GRIN2B: variants seen among roughly 807,000 people sequenced by gnomAD.
GRIN2B encodes the protein glutamate ionotropic receptor NMDA type subunit 2B.
GRIN2B carries 5 observed loss-of-function variants against 114.5 expected under a neutral mutation model. The observed-to-expected ratio is 0.04, with a 90% CI of 0.02 to 0.09. The LOEUF is 0.09. GRIN2B is among the 10% of genes least tolerant of loss of function. The pLI, the probability that GRIN2B is intolerant of heterozygous loss-of-function variation, is 1.00. For synonymous variants in GRIN2B, 787 were observed against 745.1 expected (o/e 1.06, Z -0.92); for missense variants, 1,108 against 1,943.5 (o/e 0.57, Z 8.08).
chr12:13,789,075 G>GTT (rs11400953), intron 3 of GRIN2B, among the ~76,000 whole-genome samples: 27 of 151,810 alleles, frequency 1.8e-4, no homozygotes, highest in South Asian at 6.3e-4. Flanking sequence ...CCTGGTTGTT[G>GTT]TTTTTTTTCC....
At chr12:13,832,407 T>C (rs1425420405) in intron 3 of GRIN2B, among the ~76,000 whole-genome samples, 1 of 152,054 alleles carries the variant, frequency 6.6e-6, no homozygotes, top group African/African-American at 2.4e-5. Context: ...TATTCGAGAG[T>C]GTACACCTTC....
intron 3 of GRIN2B, among the ~76,000 whole-genome samples, chr12:13,803,853 G>C (rs1415677269): frequency 6.6e-6 from 1 of 152,160 alleles, no homozygotes; most frequent in African/African-American, 2.4e-5. Flanking sequence ...AGCTGATGTA[G>C]CGAGTCAACC....
chr12:13,977,891 C>T (rs1863055962), intron 2 of GRIN2B, among the ~76,000 whole-genome samples: 2 of 152,170 alleles, frequency 1.3e-5, no homozygotes, highest in Non-Finnish European at 2.9e-5. Context: ...TTTATAGCTT[C>T]CCCACCCACT....
chr12:13,596,823 G>GA (rs1436297911), intron 10 of GRIN2B, among the ~76,000 whole-genome samples: 47 of 152,344 alleles, frequency 3.1e-4, no homozygotes, highest in Admixed American at 2.9e-3. Flanking sequence ...CTCACAGCTG[G>GA]ATAATGAGTG....
intron 3 of GRIN2B, among the ~76,000 whole-genome samples, chr12:13,819,704 C>T (rs992190912): frequency 1.3e-5 from 2 of 152,140 alleles, no homozygotes; most frequent in South Asian, 4.1e-4. Context: ...AGTTTTACAG[C>T]ACTGTATGTC....
chr12:13,786,451 A>G (rs1281702692), intron 3 of GRIN2B, among the ~76,000 whole-genome samples: 1 of 152,310 alleles, frequency 6.6e-6, no homozygotes, highest in African/African-American at 2.4e-5. Flanking sequence ...TCTCTCAAAG[A>G]GTGCCACATA....
At chr12:13,840,404 A>T (rs1466182886) in intron 3 of GRIN2B, among the ~76,000 whole-genome samples, 1 of 152,194 alleles carries the variant, frequency 6.6e-6, no homozygotes, top group Non-Finnish European at 1.5e-5. Flanking sequence ...GTATCAGTGC[A>T]GGGGACCTTG....
intron 10 of GRIN2B, among the ~76,000 whole-genome samples, chr12:13,589,692 C>T (rs1948979841): frequency 6.6e-6 from 1 of 152,216 alleles, no homozygotes; most frequent in Non-Finnish European, 1.5e-5. Flanking sequence ...TTACATTCTA[C>T]TTGCAACTAA....
intron 3 of GRIN2B, 130 bp downstream of exon 3, chr12:13,865,668 G>A (rs1354019501): frequency 1.2e-6 from 1 of 820,138 alleles, no homozygotes; most frequent in Non-Finnish European, 2.1e-6. Flanking sequence ...ATTAATTGCT[G>A]GCCTATCCAC....
At chr12:13,843,105 A>G (rs891761110) in intron 3 of GRIN2B, among the ~76,000 whole-genome samples, 1 of 133,610 alleles carries the variant, frequency 7.5e-6, no homozygotes, top group Non-Finnish European at 1.6e-5. Flanking sequence ...GGCTTGCTAC[A>G]CTGGGGAAAA....
In GRIN2B at chr12:13,795,691, G is replaced by A. The variant is rs144032601; in HGVS notation, c.412-41776C>T. 1.1e-4 allele frequency among the ~76,000 whole-genome samples: 17 copies of A among 152,192 alleles called. No homozygotes were observed. The East Asian group carries it at 2.1e-3, about 19-fold the overall frequency. On this transcript the variant is annotated intron_variant, in intron 3 of 13. Transcript: ENST00000609686. ...AGACTTGGAACCAACCCAAATGTCC[G>A]TCAATGATAGCCTGGATTAAGAAAA...
intron 2 of GRIN2B, among the ~76,000 whole-genome samples, chr12:13,961,314 C>G (rs950490112): frequency 6.6e-6 from 1 of 151,924 alleles, no homozygotes; most frequent in Non-Finnish European, 1.5e-5. Flanking sequence ...GTGGAGGAAG[C>G]AAAGCCTGAA....
intron 4 of GRIN2B, among the ~76,000 whole-genome samples, chr12:13,680,436 TTGTGTGTGTGTGTGTG>T (rs56755720): frequency 0.07 from 8,683 of 123,556 alleles, 327 homozygotes; most frequent in Non-Finnish European, 0.1. Flanking sequence ...CCCATCAAGG[TTGTGTGTGTGTGTGTG>T]TGTGTGTGTG....
At chr12:13,685,848 A>G (rs570927071) in intron 4 of GRIN2B, among the ~76,000 whole-genome samples, 2 of 152,294 alleles carry the variant, frequency 1.3e-5, no homozygotes, top group South Asian at 4.1e-4. Flanking sequence ...TGTTTGCAAT[A>G]AGGAGTTTGT....
At chr12:13,674,102 G>C (rs1558769) in intron 5 of GRIN2B, among the ~76,000 whole-genome samples, 75,241 of 151,824 alleles carry the variant, frequency 0.5, 19,312 homozygotes, top group African/African-American at 0.62. Context: ...GCACACACCT[G>C]TAATTCCAGT....
intron 3 of GRIN2B, among the ~76,000 whole-genome samples, chr12:13,798,501 A>C (rs1040689169): frequency 2.0e-5 from 3 of 152,192 alleles, no homozygotes; most frequent in Non-Finnish European, 2.9e-5. Flanking sequence ...GGGTAGTATG[A>C]GTACAATATA....
intron 10 of GRIN2B, among the ~76,000 whole-genome samples, chr12:13,607,699 T>C (rs1436858126): frequency 1.5e-5 from 2 of 130,340 alleles, no homozygotes; most frequent in Non-Finnish European, 3.1e-5. Flanking sequence ...CACACCTATC[T>C]GCAGCTCATG....
rs148880441 is a variant in GRIN2B at position 13,810,192 on chromosome 12, G to A, written c.411+55606C>T. On this transcript the variant is annotated intron_variant, in intron 3 of 13. Coordinates refer to ENST00000609686, the MANE Select transcript of GRIN2B (RefSeq NM_000834.5). ...TATTCTCTTACAGTACTTACTTTCCGCATAGTACTTAATTCTGTCTCAAAT... is the reference window on the plus strand; with the variant it reads ...TATTCTCTTACAGTACTTACTTTCCACATAGTACTTAATTCTGTCTCAAAT... 2.4e-3 allele frequency among the ~76,000 whole-genome samples: 353 copies of A among 147,982 alleles called. 1 individual carries two copies. Among genetic ancestry groups the A allele is most frequent in the Non-Finnish European group, 3.2e-3 (214 of 67,444 alleles).
chr12:13,602,076 A>G (rs1282587743), intron 10 of GRIN2B, among the ~76,000 whole-genome samples: 2 of 152,152 alleles, frequency 1.3e-5, no homozygotes, highest in African/African-American at 4.8e-5. Context: ...AGCGCTTGGG[A>G]CAGCAGTCCA....
Sources: allele counts gnomAD v4.1 joint callset (sites outside exome capture counted in the v4.1 genomes callset), GRCh38; gene constraint gnomAD v4.1.1; transcripts MANE v1.5; gene names NCBI Gene and HGNC (gene_info 2026-07-23, HGNC 2026-07-21).